The following TNPO1 variants were observed in gnomAD, a reference collection of about 807,000 sequenced individuals.
TNPO1 encodes transportin 1.
Under a neutral mutation model 119.5 loss-of-function variants are expected in TNPO1, and 8 were observed. The ratio of observed to expected loss-of-function variants is 0.07; its 90% CI spans 0.04 to 0.12. The LOEUF is 0.12. Ranked by LOEUF, TNPO1 falls within the 10% of genes least tolerant of loss-of-function variation. The pLI is 1.00. For missense variants in TNPO1, 576 were observed against 1,089.8 expected (o/e 0.53, Z 6.64); for synonymous variants, 362 against 363.0 (o/e 1.00, Z 0.03).
intron 1 of TNPO1, among the ~76,000 whole-genome samples, chr5:72,822,590 C>CTTT (rs766069525): frequency 3.0e-5 from 4 of 132,924 alleles, no homozygotes; most frequent in Admixed American, 7.6e-5. Flanking sequence ...AAGTTCTACA[C>CTTT]TTTTTTTTTT....
At position 72,909,437 on chromosome 5, in the gene TNPO1, A is replaced by G. The variant is rs185317892; in HGVS notation, c.*764A>G. ...ATATCAAACTAAAGATGACATCTTA[A>G]TTTTGCATTGAACATTAATGTAGCG... On this transcript the variant is annotated 3_prime_UTR_variant, in exon 25 of 25. Transcript: ENST00000337273. 5.3e-5 allele frequency: 8 copies of G among 152,314 alleles called. No homozygotes were observed. The East Asian group carries it at 7.7e-4, about 15-fold the overall frequency. 9.4% of individuals were successfully genotyped at this position (152,314 alleles called of 1,614,324 possible). A position where few individuals can be genotyped will look rare whatever the true frequency, so the allele number is the denominator to read the frequency against.
chr5:72,868,288 C>T (rs1237987690), intron 6 of TNPO1, among the ~76,000 whole-genome samples: 2 of 151,776 alleles, frequency 1.3e-5, no homozygotes, highest in African/African-American at 4.8e-5. Flanking sequence ...AAAAATTAGC[C>T]GGGCATGGTG....
rs190408421 is a variant in TNPO1, at chr5:72,899,648, G to T, written c.2339-358G>T. ...AATTTTGGCTGGCTTTTGAATGAAG[G>T]TTCTCTAAATTTGTCCATTTAACTG... On this transcript the variant is annotated intron_variant, in intron 20 of 24. Coordinates refer to ENST00000337273, the MANE Select transcript of TNPO1 (RefSeq NM_002270.4). Among the ~76,000 whole-genome samples, 8 of 152,190 alleles carry T rather than the reference G, an allele frequency of 5.3e-5. No homozygotes were observed. In the South Asian group the frequency reaches 1.5e-3, roughly 28 times the overall value.
At chr5:72,836,579 G>A (rs951875694) in intron 1 of TNPO1, among the ~76,000 whole-genome samples, 2 of 152,138 alleles carry the variant, frequency 1.3e-5, no homozygotes, top group Admixed American at 1.3e-4. Flanking sequence ...ATGCCTTTTG[G>A]TTCATTTGTT....
At chr5:72,848,162 G>T in intron 1 of TNPO1, 2 of 1,175,592 alleles carry the variant, frequency 1.7e-6, no homozygotes, top group African/African-American at 1.6e-5. Context: ...GGCCGCGGCG[G>T]CAGCAGCAGC....
chr5:72,848,134 C>T (rs960430883), intron 1 of TNPO1: 8 of 1,197,870 alleles, frequency 6.7e-6, no homozygotes, highest in East Asian at 4.3e-5. Context: ...TCAGTCTGGT[C>T]GGCTCCTTGC....
chr5:72,913,901 G>A lies in TNPO1; in HGVS notation c.*5228G>A, dbSNP rs1029546913. On this transcript the variant is annotated 3_prime_UTR_variant, in exon 25 of 25. Coordinates refer to ENST00000337273, the MANE Select transcript of TNPO1 (RefSeq NM_002270.4). ...TTAATAGATTATCATCTTGTGAGAAGAGATGTTTAAACGTGGTAAATCACT... is the reference window on the plus strand; with the variant it reads ...TTAATAGATTATCATCTTGTGAGAAAAGATGTTTAAACGTGGTAAATCACT... 1.1e-4 allele frequency: 17 copies of A among 151,944 alleles called. No homozygotes were observed. Among genetic ancestry groups the A allele is most frequent in the African/African-American group, 3.9e-4 (16 of 40,870 alleles). The allele number at this position is 151,944 out of a possible 1,614,324, so 9.4% of individuals were successfully genotyped here.
At chr5:72,887,503 A>G (rs1748735739) in intron 12 of TNPO1, among the ~76,000 whole-genome samples, 1 of 152,172 alleles carries the variant, frequency 6.6e-6, no homozygotes, top group African/African-American at 2.4e-5. Flanking sequence ...CCTGGTTAAC[A>G]TGGCGAAACC....
intron 1 of TNPO1, among the ~76,000 whole-genome samples, chr5:72,842,871 T>G (rs925757583): frequency 2.2e-4 from 33 of 152,238 alleles, no homozygotes; most frequent in African/African-American, 7.2e-4. Flanking sequence ...CTTAAGATAG[T>G]CCAAGCTTCT....
intron 1 of TNPO1, among the ~76,000 whole-genome samples, chr5:72,820,372 A>G (rs933896926): frequency 6.6e-5 from 10 of 152,212 alleles, no homozygotes; most frequent in Non-Finnish European, 1.5e-4. Context: ...ACTTAAGGGA[A>G]TTTAATAATG....
At chr5:72,901,164 C>A in intron 22 of TNPO1, 91 bp downstream of exon 22, 1 of 777,874 alleles carries the variant, frequency 1.3e-6, no homozygotes. Context: ...AAAAAGTTAA[C>A]TATTTTCAAA....
chr5:72,897,081 T>A lies in TNPO1; in HGVS notation c.2268T>A (p.Pro756=). ...QMGIEMQPYI[P]MVLHQLVEII... is the part of the protein sequence containing the mutation. ...GTATAGAGATGCAGCCTTATATTCC[T>A]ATGGTGTTGCACCAGCTTGTAGAAA... Residue 756 remains proline (P), a synonymous_variant, in exon 20 of 25, where the codon CCT becomes CCA. Coordinates refer to ENST00000337273, the MANE Select transcript of TNPO1 (RefSeq NM_002270.4). 2 of 1,610,576 alleles carry A rather than the reference T, an allele frequency of 1.2e-6. No homozygotes were observed. The highest frequency in any genetic ancestry group is 1.7e-6 in the Non-Finnish European group (2 of 1,178,916).
chr5:72,860,435 C>T (rs566425536), intron 4 of TNPO1, among the ~76,000 whole-genome samples: 8 of 152,300 alleles, frequency 5.3e-5, no homozygotes, highest in African/African-American at 1.4e-4. Context: ...AATATTAACA[C>T]GAAACCTTTC....
intron 6 of TNPO1, among the ~76,000 whole-genome samples, chr5:72,867,563 G>A (rs1045649596): frequency 3.9e-5 from 6 of 152,106 alleles, no homozygotes; most frequent in Non-Finnish European, 7.4e-5. Context: ...TGGCCTACTC[G>A]TATTTAGCCT....
intron 6 of TNPO1, among the ~76,000 whole-genome samples, chr5:72,871,032 C>T (rs760310817): frequency 3.9e-5 from 6 of 152,078 alleles, no homozygotes; most frequent in Admixed American, 6.5e-5. Context: ...TACAGTGGCG[C>T]GATCTCGGCT....
In TNPO1 at chr5:72,901,067, A is replaced by G; in HGVS notation, c.2508A>G (p.Val836=). 6.3e-7 allele frequency: 1 copy of G among 1,596,948 alleles called. No individual in the cohort carries two copies. Among genetic ancestry groups the G allele is most frequent in the Non-Finnish European group, 8.5e-7 (1 of 1,171,382 alleles). The change falls in exon 22 of 25, where the codon GTA becomes GTG. Residue 836 remains valine (V), a synonymous_variant. Transcript: ENST00000337273. ...CTMISVNPSG[V]IQDFIFFCDA... Reference sequence around the variant, plus strand: ...TGATCAGTGTGAATCCCAGTGGCGTAATCCAAGTAAGATGTTCACAAAGAT... The same window carrying G: ...TGATCAGTGTGAATCCCAGTGGCGTGATCCAAGTAAGATGTTCACAAAGAT...
At chr5:72,847,089 G>A (rs1243549177) in intron 1 of TNPO1, among the ~76,000 whole-genome samples, 1 of 151,836 alleles carries the variant, frequency 6.6e-6, no homozygotes, top group Non-Finnish European at 1.5e-5. Context: ...GGCCATTTAC[G>A]AAGTCATTAG....
intron 2 of TNPO1, among the ~76,000 whole-genome samples, chr5:72,850,380 T>A (rs1010728888): frequency 2.6e-5 from 4 of 152,218 alleles, no homozygotes; most frequent in Non-Finnish European, 5.9e-5. Flanking sequence ...GACTATGTTG[T>A]TGGTTCGTTT....
intron 1 of TNPO1, among the ~76,000 whole-genome samples, chr5:72,832,403 C>T (rs1397671671): frequency 6.6e-6 from 1 of 152,072 alleles, no homozygotes; most frequent in Non-Finnish European, 1.5e-5. Flanking sequence ...ACTATTCGTT[C>T]TATATTAGCT....
Sources: allele counts gnomAD v4.1 joint callset (sites outside exome capture counted in the v4.1 genomes callset), GRCh38; gene constraint gnomAD v4.1.1; transcripts MANE v1.5; gene names NCBI Gene and HGNC (gene_info 2026-07-23, HGNC 2026-07-21).